Variants in MIB1 observed in about 807,000 individuals in gnomAD.
MIB1 encodes E3 ubiquitin-protein ligase MIB1.
MIB1 carries 278 observed loss-of-function variants against 124.5 expected under a neutral mutation model. The observed-to-expected ratio is 2.23, with a 90% CI of 2.02 to 2.47. MIB1 has a LOEUF of 2.47. Ranked by LOEUF, MIB1 falls within the 30% of genes most tolerant of loss-of-function variation. MIB1 has a pLI of 0.00. For missense variants in MIB1, 957 were observed against 1,254.4 expected, an observed-to-expected ratio of 0.76 and a Z score of 3.58; for synonymous variants, 446 against 429.4, an observed-to-expected ratio of 1.04 and a Z score of -0.48.
At chr18:21,792,022 G>A (rs145382579) in intron 7 of MIB1, among the ~76,000 whole-genome samples, 45 of 152,126 alleles carry the variant, frequency 3.0e-4, no homozygotes, top group African/African-American at 8.0e-4. Flanking sequence ...TCATTTTTTC[G>A]TCAAATGTTC....
chr18:21,775,226 C>T (rs1444132619), intron 4 of MIB1, among the ~76,000 whole-genome samples: 5 of 151,768 alleles, frequency 3.3e-5, no homozygotes, highest in African/African-American at 4.8e-5. Context: ...ATTACAGGCG[C>T]GAGCCACCAC....
chr18:21,821,832 A>G (rs1022945464), intron 12 of MIB1, among the ~76,000 whole-genome samples: 1 of 151,628 alleles, frequency 6.6e-6, no homozygotes, highest in East Asian at 1.9e-4. Flanking sequence ...CGATCTCCTG[A>G]CCTCGTGATC....
At chr18:21,863,495 G>A (rs552175468) in intron 20 of MIB1, among the ~76,000 whole-genome samples, 1 of 149,548 alleles carries the variant, frequency 6.7e-6, no homozygotes, top group African/African-American at 2.6e-5. Flanking sequence ...GGTGGGACGG[G>A]TAGGTAATCT....
intron 1 of MIB1, among the ~76,000 whole-genome samples, chr18:21,750,935 G>A (rs1294989278): frequency 1.3e-5 from 2 of 152,090 alleles, no homozygotes; most frequent in Non-Finnish European, 2.9e-5. Context: ...AGTGGCTGAC[G>A]CCTGTAATCC....
chr18:21,809,497 TC>T (rs1170166540), intron 10 of MIB1, among the ~76,000 whole-genome samples: 3 of 152,028 alleles, frequency 2.0e-5, no homozygotes, highest in Non-Finnish European at 2.9e-5. Flanking sequence ...GATGCAAAAA[TC>T]CTTAACCAAA....
At chr18:21,805,858 A>C (rs1362615131) in intron 10 of MIB1, among the ~76,000 whole-genome samples, 1 of 150,270 alleles carries the variant, frequency 6.7e-6, no homozygotes, top group East Asian at 1.9e-4. Context: ...GGAATTAGGA[A>C]TGAAATTGGC....
At chr18:21,739,351 C>T (rs183965068), upstream of MIB1, among the ~76,000 whole-genome samples, 8 of 152,222 alleles carry the variant, frequency 5.3e-5, no homozygotes, top group East Asian at 1.4e-3. Context: ...CGAATTCTAC[C>T]AGAGGTACAA....
At chr18:21,856,222 G>C (rs2042225498) in intron 18 of MIB1, among the ~76,000 whole-genome samples, 1 of 127,630 alleles carries the variant, frequency 7.8e-6, no homozygotes, top group Admixed American at 8.5e-5. Flanking sequence ...GGGCGACAGA[G>C]CGAGACTCCG....
At chr18:21,792,690 T>C (rs571513996) in intron 7 of MIB1, among the ~76,000 whole-genome samples, 3 of 152,352 alleles carry the variant, frequency 2.0e-5, no homozygotes, top group South Asian at 4.1e-4. Flanking sequence ...CGTACACATA[T>C]ACATACAATA....
chr18:21,834,056 T>A (rs79241100), intron 12 of MIB1, among the ~76,000 whole-genome samples: 1 of 152,314 alleles, frequency 6.6e-6, no homozygotes, highest in Non-Finnish European at 1.5e-5. Flanking sequence ...CGGACCTCAG[T>A]GCTTGCAGCT....
chr18:21,842,201 A>T (rs79145095), intron 13 of MIB1, among the ~76,000 whole-genome samples: 2 of 151,988 alleles, frequency 1.3e-5, no homozygotes, highest in East Asian at 3.9e-4. Context: ...TCCCATCTTG[A>T]AGAATATGAC....
chr18:21,705,836 G>A (rs2040620721), intron 1 of MIB1, among the ~76,000 whole-genome samples: 1 of 152,036 alleles, frequency 6.6e-6, no homozygotes, highest in African/African-American at 2.4e-5. Flanking sequence ...TTAATAATCT[G>A]TAGCGTAACA....
chr18:21,814,681 C>G (rs1456845588), intron 10 of MIB1, among the ~76,000 whole-genome samples: 1 of 151,948 alleles, frequency 6.6e-6, no homozygotes, highest in African/African-American at 2.4e-5. Context: ...TCAAGCAGTT[C>G]TCCTCCCTCA....
chr18:21,841,824 A>G (rs1357639340), intron 13 of MIB1, among the ~76,000 whole-genome samples: 1 of 152,208 alleles, frequency 6.6e-6, no homozygotes, highest in Non-Finnish European at 1.5e-5. Context: ...CCAAATGTTC[A>G]GGTAGTGCTG....
Position 21,864,464 on chromosome 18 carries a change from ACAGT to A in MIB1, c.2881-60_2881-57del, listed in dbSNP as rs1298928995. ...AACTAAAGAAAATTAATGATATATA[ACAGT>A]CTGTCACTTTCCAAATATAAAGTGT... On this transcript the variant is annotated intron_variant, in intron 20 of 20. Coordinates refer to ENST00000261537, the MANE Select transcript of MIB1 (RefSeq NM_020774.4). The A allele has an allele frequency of 1.7e-5, 22 of 1,314,466 alleles. No individual in the cohort carries two copies. In the African/African-American group the frequency reaches 3.2e-4, roughly 19 times the overall value. 81.4% of individuals were successfully genotyped at this position (1,314,466 alleles called of 1,614,324 possible).
rs778339043 is a variant in MIB1, at chr18:21,773,662, T to C, written c.570T>C (p.His190=). 8.7e-6 allele frequency: 14 copies of C among 1,609,418 alleles called. No homozygotes were observed. The East Asian group carries it at 2.2e-4, about 26-fold the overall frequency. The part of the protein sequence containing the change: ...EIQDWSASSP[H]SAAYVLWDNG... The stretch of plus-strand genomic sequence containing the variant: ...AGGACTGGAGTGCATCAAGCCCACA[T>C]AGCGCAGCATATGTCCTCTGGGATA... The change falls in exon 4 of 21, where the codon CAT becomes CAC. Residue 190 remains histidine (H), a synonymous_variant. Coordinates refer to ENST00000261537, the MANE Select transcript of MIB1 (RefSeq NM_020774.4).
At position 21,803,822 on chromosome 18, in the gene MIB1, C is replaced by G. The variant is rs373123399; in HGVS notation, c.1372-85C>G. 90 of 954,140 alleles carry G rather than the reference C, an allele frequency of 9.4e-5. No individual in the cohort carries two copies. In the African/African-American group the frequency reaches 1.4e-3, roughly 15 times the overall value. 59.1% of individuals were successfully genotyped at this position (954,140 alleles called of 1,614,324 possible). ...TATTCTCGTGGAATCATACAGTATA[C>G]TAGACTTAAACCTACACCGTATGTA... On this transcript the variant is annotated intron_variant, in intron 9 of 20. Transcript: ENST00000261537.
At chr18:21,845,404 T>G (rs2146507468) in intron 15 of MIB1, among the ~76,000 whole-genome samples, 1 of 152,326 alleles carries the variant, frequency 6.6e-6, no homozygotes, top group South Asian at 2.1e-4. Context: ...TTTGTGTTTT[T>G]TGTGTGTGTT....
chr18:21,748,985 T>C (rs1263446412), intron 1 of MIB1, among the ~76,000 whole-genome samples: 1 of 152,056 alleles, frequency 6.6e-6, no homozygotes, highest in Non-Finnish European at 1.5e-5. Context: ...CAAGTGATCC[T>C]TCAACCTCAG....
Sources: allele counts gnomAD v4.1 joint callset (sites outside exome capture counted in the v4.1 genomes callset), GRCh38; gene constraint gnomAD v4.1.1; transcripts MANE v1.5; gene names NCBI Gene and HGNC (gene_info 2026-07-23, HGNC 2026-07-21).